The following FARP2 variants were observed in gnomAD, a reference collection of about 807,000 sequenced individuals.
The protein encoded by FARP2 is FERM, ARH/RhoGEF and pleckstrin domain protein 2.
A neutral mutation model predicts 130.5 loss-of-function variants in FARP2; 111 were observed. The ratio of observed to expected loss-of-function variants is 0.85; its 90% CI spans 0.73 to 1.00. The LOEUF (loss-of-function observed/expected upper bound fraction) is 1.00. Among genes scored for constraint, FARP2 ranks in the 50% least tolerant of loss-of-function variants. The pLI, the probability that FARP2 is intolerant of heterozygous loss-of-function variation, is 0.00. For synonymous variants in FARP2, 504 were observed against 516.9 expected, an observed-to-expected ratio of 0.98 and a Z score of 0.34; for missense variants, 1,385 against 1,346.3, an observed-to-expected ratio of 1.03 and a Z score of -0.45.
At chr2:241,402,870 ATATATATATATTTTTT>A (rs2062222901) in intron 2 of FARP2, among the ~76,000 whole-genome samples, 2 of 12,496 alleles carry the variant, frequency 1.6e-4, no homozygotes, top group African/African-American at 4.2e-4. Flanking sequence ...ATATATATAT[ATATATATATATTTTTT>A]TTTTTTTTTT....
At chr2:241,365,463 G>A (rs1372227229) in intron 1 of FARP2, among the ~76,000 whole-genome samples, 1 of 152,128 alleles carries the variant, frequency 6.6e-6, no homozygotes, top group Non-Finnish European at 1.5e-5. Flanking sequence ...TGCTTAGTTA[G>A]CATTCGTATT....
At chr2:241,389,302 C>CA (rs1319917326) in intron 2 of FARP2, among the ~76,000 whole-genome samples, 1 of 152,068 alleles carries the variant, frequency 6.6e-6, no homozygotes. Context: ...ATCAAACAAA[C>CA]AAAAACTCTT....
intron 26 of FARP2, 115 bp downstream of exon 26, chr2:241,493,559 G>A: frequency 1.1e-6 from 1 of 916,874 alleles, no homozygotes; most frequent in Non-Finnish European, 1.7e-6. Context: ...GAAGGGCTGA[G>A]CAATGCTTCC....
intron 22 of FARP2, among the ~76,000 whole-genome samples, 162 bp downstream of exon 22, chr2:241,490,206 G>T (rs2064858561): frequency 6.6e-6 from 1 of 152,272 alleles, no homozygotes; most frequent in South Asian, 2.1e-4. Flanking sequence ...CACAACCAAA[G>T]GAGCAGCCTC....
chr2:241,366,446 G>A (rs780044824), intron 1 of FARP2, among the ~76,000 whole-genome samples: 1 of 151,706 alleles, frequency 6.6e-6, no homozygotes, highest in African/African-American at 2.4e-5. Flanking sequence ...TAATACATCC[G>A]TTTAGTGTTC....
intron 2 of FARP2, chr2:241,395,773 C>G (rs917049450): frequency 6.6e-6 from 1 of 152,122 alleles, no homozygotes; most frequent in Non-Finnish European, 1.5e-5. Context: ...AAAGGGCTCT[C>G]CTGACAGTTG....
intron 22 of FARP2, 68 bp from the exon 23 acceptor site, chr2:241,490,993 C>T: frequency 2.4e-6 from 3 of 1,251,982 alleles, no homozygotes; most frequent in Admixed American, 3.4e-5. Flanking sequence ...ACGGCTCGCC[C>T]TCCCTTGAGG....
chr2:241,359,511 A>G (rs1209941212), intron 1 of FARP2, among the ~76,000 whole-genome samples: 3 of 151,874 alleles, frequency 2.0e-5, no homozygotes, highest in African/African-American at 7.3e-5. Context: ...GCCCAACTAT[A>G]CTCATCCTTT....
At chr2:241,453,466 C>CA (rs1183398306) in intron 13 of FARP2, among the ~76,000 whole-genome samples, 16 of 148,610 alleles carry the variant, frequency 1.1e-4, no homozygotes, top group Admixed American at 8.0e-4. Context: ...ACTAAAAATA[C>CA]AAAAAATTAG....
At chr2:241,465,325 T>C in intron 17 of FARP2, 1 of 703,606 alleles carries the variant, frequency 1.4e-6, no homozygotes, top group Non-Finnish European at 2.5e-6. Context: ...CCTCAGAACA[T>C]CATTCTCAGG....
At chr2:241,364,696 TG>T (rs1398517610) in intron 1 of FARP2, among the ~76,000 whole-genome samples, 4 of 152,168 alleles carry the variant, frequency 2.6e-5, no homozygotes, top group Non-Finnish European at 4.4e-5. Flanking sequence ...TGAAATAAAA[TG>T]GATGAAAGAG....
intron 1 of FARP2, among the ~76,000 whole-genome samples, chr2:241,361,809 G>A (rs1031837111): frequency 6.6e-6 from 1 of 152,040 alleles, no homozygotes; most frequent in African/African-American, 2.4e-5. Context: ...TGTTTGTGAA[G>A]GAGGAACTAC....
intron 26 of FARP2, 38 bp from the exon 27 acceptor site, chr2:241,493,970 A>G: frequency 8.0e-7 from 1 of 1,249,044 alleles, no homozygotes; most frequent in Non-Finnish European, 1.1e-6. Context: ...TCTGAGCACA[A>G]GATGGCTCAC....
chr2:241,413,564 GC>G, intron 7 of FARP2, 143 bp downstream of exon 7: 1 of 633,406 alleles, frequency 1.6e-6, no homozygotes, highest in Non-Finnish European at 2.7e-6. Context: ...TGCAGCTGCT[GC>G]CAGAGGCAGC....
chr2:241,461,728 C>T (rs1004761625), intron 14 of FARP2, among the ~76,000 whole-genome samples: 1 of 152,226 alleles, frequency 6.6e-6, no homozygotes, highest in Non-Finnish European at 1.5e-5. Context: ...CTGAAGCTGG[C>T]CACAGTCTGG....
chr2:241,442,381 T>C (rs751602270), intron 13 of FARP2: 9 of 456,578 alleles, frequency 2.0e-5, no homozygotes, highest in Non-Finnish European at 3.5e-5. Flanking sequence ...AGAGTCAGAC[T>C]CATGGGACTC....
intron 2 of FARP2, among the ~76,000 whole-genome samples, chr2:241,379,142 C>A (rs989714143): frequency 2.6e-5 from 4 of 152,124 alleles, no homozygotes; most frequent in Non-Finnish European, 5.9e-5. Context: ...ATAACTGAGA[C>A]CCCGTTCTAG....
chr2:241,390,929 T>A (rs1157069738), intron 2 of FARP2, among the ~76,000 whole-genome samples: 2 of 152,212 alleles, frequency 1.3e-5, no homozygotes, highest in Non-Finnish European at 2.9e-5. Context: ...TGGCCTTTTT[T>A]AAAGGCTGCT....
chr2:241,441,704 C>T (rs776459944), intron 13 of FARP2, 148 bp downstream of exon 13: 47 of 1,209,566 alleles, frequency 3.9e-5, no homozygotes, highest in Non-Finnish European at 5.2e-5. Flanking sequence ...GACTTTACCA[C>T]AGGCTCATTT....
Sources: gnomAD v4.1 joint callset for allele counts (sites outside exome capture counted in the v4.1 genomes callset) on GRCh38, gnomAD v4.1.1 for gene constraint, MANE v1.5 for transcripts, NCBI Gene and HGNC (gene_info 2026-07-23, HGNC 2026-07-21) for gene names.